The following TRERF1 variants were observed in gnomAD, a reference collection of about 807,000 sequenced individuals.
TRERF1 encodes the protein transcriptional-regulating factor 1.
TRERF1 carries 27 observed loss-of-function variants against 122.9 expected under a neutral mutation model. The observed-to-expected ratio is 0.22, with a 90% confidence interval of 0.16 to 0.30. TRERF1 has a LOEUF of 0.30. Ranked by LOEUF, TRERF1 falls within the 10% of genes least tolerant of loss-of-function variation. The probability of loss-of-function intolerance (pLI) is 1.00; values close to 1 mark genes in which losing one functional copy is unlikely to be tolerated. For synonymous variants in TRERF1, 636 were observed against 641.7 expected, an observed-to-expected ratio of 0.99 and a Z score of 0.13; for missense variants, 1,248 against 1,560.3, an observed-to-expected ratio of 0.80 and a Z score of 3.37.
intron 4 of TRERF1, among the ~76,000 whole-genome samples, chr6:42,296,420 T>C (rs952702114): frequency 1.3e-5 from 2 of 152,210 alleles, no homozygotes; most frequent in African/African-American, 4.8e-5. Flanking sequence ...TTCTCAGTCA[T>C]AGTTATATGA....
intron 2 of TRERF1, among the ~76,000 whole-genome samples, chr6:42,402,737 AGTG>A (rs1779574942): frequency 6.6e-6 from 1 of 152,234 alleles, no homozygotes; most frequent in African/African-American, 2.4e-5. Flanking sequence ...CACCATGCTA[AGTG>A]CCAGATACAC....
intron 3 of TRERF1, among the ~76,000 whole-genome samples, chr6:42,353,163 T>G (rs568539219): frequency 2.0e-5 from 3 of 152,026 alleles, no homozygotes; most frequent in Admixed American, 1.3e-4. Flanking sequence ...AGAATGAGAC[T>G]CCATTTCAAA....
intron 3 of TRERF1, among the ~76,000 whole-genome samples, chr6:42,328,742 G>A (rs975476958): frequency 5.9e-5 from 9 of 152,048 alleles, no homozygotes; most frequent in African/African-American, 2.2e-4. Flanking sequence ...TCTGCTGAAA[G>A]TTAAAAAAAA....
chr6:42,257,120 A>G lies in TRERF1; in HGVS notation c.2337-18T>C, dbSNP rs1400335127. On this transcript the variant is annotated intron_variant, in intron 10 of 17. Transcript: ENST00000372922. The stretch of plus-strand genomic sequence containing the variant: ...TGATGCGTCTTTAAATGACAAGAAG[A>G]AAAACAACAATGTGGTCTTCAATTT... The G allele has an allele frequency of 6.2e-7, 1 of 1,613,582 alleles. No homozygotes were observed. The highest frequency in any genetic ancestry group is 8.5e-7 in the Non-Finnish European group (1 of 1,179,758).
At position 42,374,490 on chromosome 6, in the gene TRERF1, C is replaced by A. The variant is rs547794794; in HGVS notation, c.-453-11411G>T. On this transcript the variant is annotated intron_variant, in intron 2 of 17. Coordinates refer to ENST00000372922, the Ensembl canonical transcript of TRERF1. ...TCCCACTGTTGTCAGCTCTGGGGAG[C>A]CTCACCAGCCTTAGATGGTTTCCCT... Among the ~76,000 whole-genome samples, 28 of 152,278 alleles carry A rather than the reference C, an allele frequency of 1.8e-4. No individual in the cohort carries two copies. The South Asian group carries it at 4.4e-3, about 24-fold the overall frequency.
rs139388497 is a variant in TRERF1 at position 42,228,538 on chromosome 6, C to T, written c.3410G>A (p.Gly1137Glu). ...CAGCAGCCCCGGCGCCCCCACGGGC[C>T]CCGTAGTCCTCTCAATCGTGGCTGC... The change falls in exon 18 of 18, where the codon GGG becomes GAG. Residue 1137 changes from glycine (G) to glutamate (E), a missense_variant. Transcript: ENST00000372922. The surrounding 1 kb of genome is among the most constrained non-coding windows in gnomAD (Gnocchi z 4.2). 6 of 1,614,056 alleles carry T rather than the reference C, an allele frequency of 3.7e-6. No homozygotes were observed. Among genetic ancestry groups the T allele is most frequent in the Non-Finnish European group, 4.2e-6 (5 of 1,180,048 alleles).
chr6:42,363,815 A>G (rs895738280), intron 2 of TRERF1, among the ~76,000 whole-genome samples: 4 of 152,200 alleles, frequency 2.6e-5, no homozygotes, highest in African/African-American at 9.6e-5. Context: ...AGCCCGAAAC[A>G]GACCCTTCCC....
At chr6:42,421,204 C>T (rs1289057910) in intron 2 of TRERF1, among the ~76,000 whole-genome samples, 3 of 152,092 alleles carry the variant, frequency 2.0e-5, no homozygotes, top group Non-Finnish European at 2.9e-5. Flanking sequence ...TGGCAAAGTG[C>T]CTTCCATAGT....
rs1773684607 is a variant in TRERF1 at position 42,371,135 on chromosome 6, G to A, written c.-453-8056C>T. ...TGAAGAGGGGTGGCGGAGTGCTCTA[G>A]GCAGCAAGAACAGAACTGAGAGTTC... On this transcript the variant is annotated intron_variant, in intron 2 of 17. Coordinates refer to ENST00000372922, the Ensembl canonical transcript of TRERF1. 2.6e-5 allele frequency among the ~76,000 whole-genome samples: 4 copies of A among 152,270 alleles called. No individual in the cohort carries two copies. In the South Asian group the frequency reaches 8.3e-4, roughly 32 times the overall value.
chr6:42,318,651 G>T (rs1176339378), intron 3 of TRERF1, among the ~76,000 whole-genome samples: 1 of 152,222 alleles, frequency 6.6e-6, no homozygotes, highest in Non-Finnish European at 1.5e-5. Flanking sequence ...CCAATCCGCT[G>T]CCTGTTTATG....
At position 42,232,758 on chromosome 6, in the gene TRERF1, T is replaced by C. The variant is rs143006554; in HGVS notation, c.3201A>G (p.Val1067=). The change falls in exon 17 of 18, where the codon GTA becomes GTG. Residue 1067 remains valine, a synonymous_variant. Coordinates refer to ENST00000372922, the Ensembl canonical transcript of TRERF1. This position sits in a 1 kb window ranked among gnomAD's most constrained non-coding sequence, Gnocchi z 4.5. Reference sequence around the variant, plus strand: ...TGGTGCTGTGAGAGGGTGAGCTCTTTACCGAACAGTACCCACTCTGGGTGC... The same window carrying C: ...TGGTGCTGTGAGAGGGTGAGCTCTTCACCGAACAGTACCCACTCTGGGTGC... 90 of 1,612,316 alleles carry C rather than the reference T, an allele frequency of 5.6e-5. No individual in the cohort carries two copies. The African/African-American group carries it at 1.0e-3, about 18-fold the overall frequency.
chr6:42,251,242 C>T (rs1201174358), intron 13 of TRERF1, among the ~76,000 whole-genome samples: 1 of 152,034 alleles, frequency 6.6e-6, no homozygotes, highest in Non-Finnish European at 1.5e-5. Flanking sequence ...GCGATCTGCC[C>T]GCCTTGGCCT....
At chr6:42,360,905 T>C (rs1771637160) in intron 3 of TRERF1, among the ~76,000 whole-genome samples, 1 of 152,008 alleles carries the variant, frequency 6.6e-6, no homozygotes. Context: ...ATCAATTCAT[T>C]GTGCCGTGGG....
At chr6:42,419,264 C>G (rs1349010308) in intron 2 of TRERF1, among the ~76,000 whole-genome samples, 1 of 138,172 alleles carries the variant, frequency 7.2e-6, no homozygotes. Context: ...CCCCACCCCC[C>G]GCCCCGGCTT....
rs1769887783 is a variant in TRERF1 at position 42,228,563 on chromosome 6, C to A, written c.3385G>T (p.Ala1129Ser). ...CCCGTAGTCCTCTCAATCGTGGCTG[C>A]CATCTCAGCTGCAAAAGCCGCCTTC... Residue 1129 changes from alanine (A) to serine (S), a missense_variant, in exon 18 of 18, where the codon GCA becomes TCA. Physicochemically the swap from Ala to Ser is moderately conservative, Grantham distance 99. Around this residue, in one of 5 missense-constraint regions of TRERF1, gnomAD observed 84 missense variants for 116.0 expected, o/e 0.72. Coordinates refer to ENST00000372922, the Ensembl canonical transcript of TRERF1. This position sits in a 1 kb window ranked among gnomAD's most constrained non-coding sequence, Gnocchi z 4.2. 1 of 1,614,212 alleles carries A rather than the reference C, an allele frequency of 6.2e-7. No individual in the cohort carries two copies. Among genetic ancestry groups the A allele is most frequent in the Non-Finnish European group, 8.5e-7 (1 of 1,180,052 alleles).
intron 3 of TRERF1, among the ~76,000 whole-genome samples, chr6:42,354,592 C>T (rs984163514): frequency 2.0e-5 from 3 of 152,066 alleles, no homozygotes; most frequent in Admixed American, 1.3e-4. Context: ...AATGAGGCAT[C>T]AGAATTATTT....
exon 6 of TRERF1, chr6:42,265,774 G>A: frequency 6.2e-7 from 1 of 1,613,334 alleles, no homozygotes; most frequent in East Asian, 2.2e-5. Context: ...ACCCTGGCTG[G>A]GCTCTCCCAT....
At chr6:42,266,938 G>T (rs969092072) in intron 5 of TRERF1, among the ~76,000 whole-genome samples, 1 of 152,138 alleles carries the variant, frequency 6.6e-6, no homozygotes, top group African/African-American at 2.4e-5. Context: ...AGACAGTTTT[G>T]CTTATTTACT....
chr6:42,263,652 A>G lies in TRERF1; in HGVS notation c.1636-84T>C. 2 of 1,401,432 alleles carry G rather than the reference A, an allele frequency of 1.4e-6. No individual in the cohort carries two copies. Among genetic ancestry groups the G allele is most frequent in the Non-Finnish European group, 1.9e-6 (2 of 1,073,852 alleles). 86.8% of individuals were successfully genotyped at this position (1,401,432 alleles called of 1,614,324 possible). A position where few individuals can be genotyped will look rare whatever the true frequency, so the allele number is the denominator to read the frequency against. ...CACTTTGCTTTTCCCGAAAGGTTCCAGGACATCAGGTATGGGTGATAGAGA... is the reference window on the plus strand; with the variant it reads ...CACTTTGCTTTTCCCGAAAGGTTCCGGGACATCAGGTATGGGTGATAGAGA... On this transcript the variant is annotated intron_variant, in intron 7 of 17. Transcript: ENST00000372922. The surrounding 1 kb of genome is among the most constrained non-coding windows in gnomAD (Gnocchi z 5.6).
Sources: gnomAD v4.1 joint callset for allele counts (sites outside exome capture counted in the v4.1 genomes callset) on GRCh38, gnomAD v4.1.1 for gene constraint, gnomAD v4.1.1 regional missense constraint, Gnocchi (gnomAD v3.1) non-coding constraint, MANE v1.5 for transcripts, NCBI Gene and HGNC (gene_info 2026-07-23, HGNC 2026-07-21) for gene names.